Variants in TAPBPL observed in about 807,000 individuals in gnomAD.
The protein encoded by TAPBPL is TAP binding protein like, also known as tapasin-related protein.
In TAPBPL, 32 loss-of-function variants were observed where a neutral mutation model predicts 44.8. That is an observed-to-expected ratio of 0.71 (90% confidence interval 0.54 to 0.96). TAPBPL has a LOEUF of 0.96. TAPBPL is among the 40% of genes least tolerant of loss of function. TAPBPL has a pLI of 0.00. For synonymous variants in TAPBPL, 230 were observed against 240.7 expected (o/e 0.96, Z 0.41); for missense variants, 520 against 586.6 (o/e 0.89, Z 1.17).
Position 6,453,138 on chromosome 12 carries a change from G to A in TAPBPL, c.136G>A (p.Ala46Thr). ...AGACTGCTTCCTGGCGAAGGACGGT[G>A]CGCACCGTGGAGCTCTCGCCAGCAG... is the stretch of plus-strand genomic sequence containing the variant. Reference protein sequence around the residue: ...VLDCFLAKDGAHRGALASSED... With the variant: ...VLDCFLAKDGTHRGALASSED... The change falls in exon 2 of 7, where the codon GCG becomes ACG. Residue 46 changes from alanine (A) to threonine (T), a missense_variant. Coordinates refer to ENST00000266556, the MANE Select transcript of TAPBPL (RefSeq NM_018009.5). This position sits in a 1 kb window ranked among gnomAD's most constrained non-coding sequence, Gnocchi z 4.8. 1.3e-6 allele frequency: 2 copies of A among 1,596,100 alleles called. No individual in the cohort carries two copies. Among genetic ancestry groups the A allele is most frequent in the South Asian group, 2.3e-5 (2 of 87,992 alleles).
chr12:6,469,752 G>A (rs1945722068), downstream of TAPBPL, among the ~76,000 whole-genome samples: 2 of 152,198 alleles, frequency 1.3e-5, no homozygotes, highest in Admixed American at 6.5e-5. Context: ...TTGTTTAGCC[G>A]TAGTTTTCCC....
downstream of TAPBPL, chr12:6,466,049 A>C: frequency 6.2e-7 from 1 of 1,612,890 alleles, no homozygotes; most frequent in Non-Finnish European, 8.5e-7. Flanking sequence ...CCAGAGACAG[A>C]GGAAAGGACA....
Position 6,453,834 on chromosome 12 carries a change from A to G in TAPBPL, c.565+118A>G, listed in dbSNP as rs373977533. Reference sequence around the variant, plus strand: ...GGAGTTTGAGATCAGCCTGGTCAACACGGTGAAACCCCGTCTCTACTAATA... The same window carrying G: ...GGAGTTTGAGATCAGCCTGGTCAACGCGGTGAAACCCCGTCTCTACTAATA... On this transcript the variant is annotated intron_variant, in intron 3 of 6. Transcript: ENST00000266556. The surrounding 1 kb of genome is among the most constrained non-coding windows in gnomAD (Gnocchi z 4.8). 11 of 1,313,650 alleles carry G rather than the reference A, an allele frequency of 8.4e-6. No homozygotes were observed. The East Asian group carries it at 2.6e-4, about 30-fold the overall frequency. The allele number at this position is 1,313,650 out of a possible 1,614,324, so 81.4% of individuals were successfully genotyped here. A position where few individuals can be genotyped will look rare whatever the true frequency, so the allele number is the denominator to read the frequency against.
Position 6,457,461 on chromosome 12 carries a change from A to G in TAPBPL, c.621A>G (p.Ser207=). 1.9e-6 allele frequency: 3 copies of G among 1,614,208 alleles called. No individual in the cohort carries two copies. The highest frequency in any genetic ancestry group is 2.2e-5 in the East Asian group (1 of 44,888). Residue 207 remains serine (S), a synonymous_variant, in exon 4 of 7, where the codon TCA becomes TCG. Transcript: ENST00000266556. ...TQSLSFLLGS[S]ASLDCGFSMA... ...CCCTGAGCTTCCTGCTGGGGTCCTC[A>G]GCCTCCTTGGACTGTGGCTTCTCCA...
downstream of TAPBPL, chr12:6,463,150 C>T (rs1949924904): frequency 6.9e-7 from 1 of 1,456,108 alleles, no homozygotes; most frequent in Non-Finnish European, 9.0e-7. The surrounding 1 kb of genome is among the most constrained non-coding windows in gnomAD (Gnocchi z 4.0). Flanking sequence ...TGTCTATACA[C>T]ACAAACCATG....
At chr12:6,451,704 G>A (rs1335897543), upstream of TAPBPL, 2 of 329,212 alleles carry the variant, frequency 6.1e-6, no homozygotes, top group Non-Finnish European at 5.6e-6. Flanking sequence ...TAAAGTGACA[G>A]ATGACCACCC....
downstream of TAPBPL, chr12:6,465,357 A>AGTAT: frequency 4.7e-6 from 1 of 213,868 alleles, no homozygotes; most frequent in Non-Finnish European, 8.6e-6. Flanking sequence ...AAAAGAAAAA[A>AGTAT]GTATATATAT....
intron 3 of TAPBPL, among the ~76,000 whole-genome samples, chr12:6,455,873 G>A (rs1949691506): frequency 6.6e-6 from 1 of 150,560 alleles, no homozygotes; most frequent in African/African-American, 2.4e-5. Context: ...TGATTCTTGT[G>A]CCTCAGTCTC....
downstream of TAPBPL, chr12:6,464,769 T>C (rs941539447): frequency 6.5e-6 from 10 of 1,548,958 alleles, no homozygotes; most frequent in African/African-American, 9.6e-5. Context: ...GACGATCCCA[T>C]AGCAGCGGTC....
At chr12:6,469,774 C>T (rs1454805816), downstream of TAPBPL, among the ~76,000 whole-genome samples, 2 of 152,128 alleles carry the variant, frequency 1.3e-5, no homozygotes, top group Admixed American at 1.3e-4. Flanking sequence ...CAAGATCATG[C>T]GAAGGGGGTG....
downstream of TAPBPL, chr12:6,465,063 C>G: frequency 6.9e-7 from 1 of 1,457,214 alleles, no homozygotes; most frequent in Non-Finnish European, 9.3e-7. Context: ...ACCCATCACC[C>G]AGGAGACCTG....
Position 6,452,330 on chromosome 12 carries a change from G to A in TAPBPL, c.64+18G>A. Reference sequence around the variant, plus strand: ...AGAAACCAGTGAGTCTGGGAGTCGGGGAGAGCTGGCTGGGAGAAGAGCTAC... The same window carrying A: ...AGAAACCAGTGAGTCTGGGAGTCGGAGAGAGCTGGCTGGGAGAAGAGCTAC... On this transcript the variant is annotated intron_variant, in intron 1 of 6. Coordinates refer to ENST00000266556, the MANE Select transcript of TAPBPL (RefSeq NM_018009.5). 6.4e-7 allele frequency: 1 copy of A among 1,567,380 alleles called. No individual in the cohort carries two copies. Among genetic ancestry groups the A allele is most frequent in the Non-Finnish European group, 8.7e-7 (1 of 1,155,880 alleles).
intron 4 of TAPBPL, 42 bp downstream of exon 4, chr12:6,457,786 A>C: frequency 6.7e-7 from 1 of 1,499,600 alleles, no homozygotes; most frequent in Non-Finnish European, 8.9e-7. Context: ...GGGATATAAC[A>C]TGTCTACTGG....
intron 3 of TAPBPL, among the ~76,000 whole-genome samples, chr12:6,454,019 A>AC (rs1367511422): frequency 6.6e-6 from 1 of 151,914 alleles, no homozygotes; most frequent in African/African-American, 2.4e-5. Context: ...CCATCTCAAA[A>AC]AAAAAAAAGA....
intron 6 of TAPBPL, 107 bp from the exon 7 acceptor site, chr12:6,461,927 C>T (rs1384310272): frequency 1.2e-6 from 1 of 865,758 alleles, no homozygotes; most frequent in East Asian, 2.6e-5. Context: ...AGGCCAAGGA[C>T]CTAGGAAGGA....
In TAPBPL at chr12:6,453,090, T is replaced by C. The variant is rs1592127709; in HGVS notation, c.88T>C (p.Trp30Arg). ...AGAGCCCCACCCAGCAGAGGGGCAG[T>C]GGCGGGCAGTGGACGTGGTCCTAGA... Reference protein sequence around the residue: ...ETKPHPAEGQWRAVDVVLDCF... With the variant: ...ETKPHPAEGQRRAVDVVLDCF... The change falls in exon 2 of 7, where the codon TGG (tryptophan) becomes CGG (arginine). Residue 30 changes from tryptophan to arginine, a missense_variant. By Grantham distance (101) the Trp-to-Arg change is moderately radical. Coordinates refer to ENST00000266556, the MANE Select transcript of TAPBPL (RefSeq NM_018009.5). The surrounding 1 kb of genome is among the most constrained non-coding windows in gnomAD (Gnocchi z 4.8). 4 of 1,575,052 alleles carry C rather than the reference T, an allele frequency of 2.5e-6. No homozygotes were observed. The East Asian group carries it at 6.9e-5, about 27-fold the overall frequency.
In TAPBPL at chr12:6,453,643, C is replaced by T. The variant is rs1388680438; in HGVS notation, c.492C>T (p.Val164=). 2 of 1,613,872 alleles carry T rather than the reference C, an allele frequency of 1.2e-6. No homozygotes were observed. The highest frequency in any genetic ancestry group is 1.7e-5 in the Admixed American group (1 of 59,994). Reference sequence around the variant, plus strand: ...CCTTGGTGATGAAGACTCCCAGGGTCACCAAGAATGAGGCGCTCTGGCACC... The same window carrying T: ...CCTTGGTGATGAAGACTCCCAGGGTTACCAAGAATGAGGCGCTCTGGCACC... ...SISLVMKTPR[V]TKNEALWHPT... Residue 164 remains valine, a synonymous_variant, in exon 3 of 7, where the codon GTC becomes GTT. Transcript: ENST00000266556. The surrounding 1 kb of genome is among the most constrained non-coding windows in gnomAD (Gnocchi z 4.8).
At chr12:6,470,646 T>C (rs2072376), downstream of TAPBPL, 578,507 of 1,403,426 alleles carry the variant, frequency 0.41, 121,115 homozygotes, top group African/African-American at 0.5. Flanking sequence ...TCGCGCCGAC[T>C]ACCCCGCGGT....
Position 6,455,253 on chromosome 12 carries a change from C to T in TAPBPL, c.565+1537C>T, listed in dbSNP as rs551983783. Among the ~76,000 whole-genome samples the T allele has an allele frequency of 1.1e-3, 171 of 152,164 alleles. 1 individual carries two copies. The highest frequency in any genetic ancestry group is 3.4e-3 in the Middle Eastern group (1 of 294). On this transcript the variant is annotated intron_variant, in intron 3 of 6. Coordinates refer to ENST00000266556, the MANE Select transcript of TAPBPL (RefSeq NM_018009.5). ...CAGAAGATAACACTTGAACCCCAAACGCATGTTTGAACCCCGAAACGCATG... is the reference window on the plus strand; with the variant it reads ...CAGAAGATAACACTTGAACCCCAAATGCATGTTTGAACCCCGAAACGCATG...
Sources: allele counts gnomAD v4.1 joint callset (sites outside exome capture counted in the v4.1 genomes callset), GRCh38; gene constraint gnomAD v4.1.1; non-coding constraint Gnocchi (gnomAD v3.1); transcripts MANE v1.5; gene names NCBI Gene and HGNC (gene_info 2026-07-23, HGNC 2026-07-21).